PRUNE2: variants seen among roughly 807,000 people sequenced by gnomAD.
PRUNE2 encodes prune homolog 2 with BCH domain.
In PRUNE2, 164 loss-of-function variants were observed where a neutral mutation model predicts 252.0. The observed-to-expected ratio is 0.65, with a 90% CI of 0.57 to 0.74. The LOEUF (loss-of-function observed/expected upper bound fraction) is 0.74. Among genes scored for constraint, PRUNE2 ranks in the 30% least tolerant of loss-of-function variants. The pLI, the probability that PRUNE2 is intolerant of heterozygous loss-of-function variation, is 0.00. For synonymous variants in PRUNE2, 1,292 were observed against 1,350.2 expected (o/e 0.96, Z 0.94); for missense variants, 3,495 against 3,711.0 (o/e 0.94, Z 1.51).
intron 6 of PRUNE2, among the ~76,000 whole-genome samples, chr9:76,822,130 T>C (rs867984105): frequency 6.6e-6 from 1 of 152,178 alleles, no homozygotes; most frequent in Non-Finnish European, 1.5e-5. Flanking sequence ...CAAAGCAGAG[T>C]TCTAATTGAT....
chr9:76,762,146 G>A (rs561879272), intron 6 of PRUNE2, among the ~76,000 whole-genome samples: 43 of 152,306 alleles, frequency 2.8e-4, no homozygotes, highest in African/African-American at 1.0e-3. Flanking sequence ...AGGACCTTTA[G>A]CCAGTTTGGA....
intron 6 of PRUNE2, among the ~76,000 whole-genome samples, chr9:76,719,249 G>C (rs1268749947): frequency 3.3e-5 from 5 of 151,602 alleles, no homozygotes; most frequent in Non-Finnish European, 7.4e-5. Flanking sequence ...TTTTTAGCTA[G>C]GAGGAAAAGG....
chr9:76,778,235 C>T (rs1464908965), intron 6 of PRUNE2, among the ~76,000 whole-genome samples: 3 of 152,170 alleles, frequency 2.0e-5, no homozygotes, highest in Admixed American at 6.5e-5. Flanking sequence ...AAGAGCCAGG[C>T]GTTGATCTCA....
chr9:76,624,020 T>C (rs1279383633), intron 17 of PRUNE2, among the ~76,000 whole-genome samples: 1 of 152,250 alleles, frequency 6.6e-6, no homozygotes, highest in African/African-American at 2.4e-5. Context: ...AAGTAAGTTG[T>C]TGTTTTAATT....
At chr9:76,714,056 A>T (rs927199938) in intron 6 of PRUNE2, among the ~76,000 whole-genome samples, 9 of 152,154 alleles carry the variant, frequency 5.9e-5, no homozygotes, top group Admixed American at 2.6e-4. Context: ...CGCTTATAGG[A>T]TCTATATACG....
chr9:76,776,165 G>T (rs1455603467), intron 6 of PRUNE2, among the ~76,000 whole-genome samples: 1 of 152,048 alleles, frequency 6.6e-6, no homozygotes, highest in Non-Finnish European at 1.5e-5. Flanking sequence ...AATTTTAGGG[G>T]GTACAAGTGC....
intron 9 of PRUNE2, among the ~76,000 whole-genome samples, chr9:76,670,703 C>T (rs1429087503): frequency 2.0e-5 from 3 of 151,972 alleles, no homozygotes; most frequent in Admixed American, 2.0e-4. Flanking sequence ...AGCTGGAGAT[C>T]TGAGAACAGG....
rs370739154 is a variant in PRUNE2, at chr9:76,742,996, C to T, written c.757-29275G>A. Among the ~76,000 whole-genome samples the T allele has an allele frequency of 2.6e-5, 4 of 152,288 alleles. No individual in the cohort carries two copies. In the East Asian group the frequency reaches 7.7e-4, roughly 29 times the overall value. On this transcript the variant is annotated intron_variant, in intron 6 of 18. Coordinates refer to ENST00000376718, the MANE Select transcript of PRUNE2 (RefSeq NM_015225.3). ...ACCCAGTGGCAGTTTAATTGAATCA[C>T]GAGGTCGGTTACCTCCATGCTGTTC...
chr9:76,849,925 A>G (rs1053205994), intron 3 of PRUNE2, among the ~76,000 whole-genome samples: 3 of 152,226 alleles, frequency 2.0e-5, no homozygotes, highest in African/African-American at 4.8e-5. Context: ...GAAATGCAAA[A>G]GTAAAAATGA....
intron 1 of PRUNE2, among the ~76,000 whole-genome samples, chr9:76,888,506 G>C (rs562383950): frequency 6.6e-6 from 1 of 151,986 alleles, no homozygotes; most frequent in Admixed American, 6.6e-5. Flanking sequence ...GAACCCGAGA[G>C]GTGGAGGTTG....
intron 1 of PRUNE2, among the ~76,000 whole-genome samples, chr9:76,878,359 T>G (rs372183640): frequency 1.3e-5 from 2 of 152,326 alleles, no homozygotes; most frequent in East Asian, 3.9e-4. Context: ...CACAGTGCTG[T>G]TATGAAGAAG....
chr9:76,626,085 G>T (rs1834619628), intron 16 of PRUNE2, among the ~76,000 whole-genome samples: 1 of 152,138 alleles, frequency 6.6e-6, no homozygotes, highest in African/African-American at 2.4e-5. Flanking sequence ...ATAAAAAAAG[G>T]TTATATATTG....
chr9:76,637,292 TA>T, intron 14 of PRUNE2, 125 bp downstream of exon 14: 1 of 915,726 alleles, frequency 1.1e-6, no homozygotes, highest in Non-Finnish European at 1.7e-6. Flanking sequence ...TTAGACAATT[TA>T]TTTGATCTTA....
intron 6 of PRUNE2, among the ~76,000 whole-genome samples, chr9:76,781,651 T>C (rs2054408271): frequency 6.6e-6 from 1 of 152,250 alleles, no homozygotes; most frequent in African/African-American, 2.4e-5. Flanking sequence ...AATCTACATT[T>C]ATATGCATGA....
At chr9:76,646,452 C>T (rs895927570) in intron 11 of PRUNE2, among the ~76,000 whole-genome samples, 2 of 152,218 alleles carry the variant, frequency 1.3e-5, no homozygotes, top group African/African-American at 4.8e-5. Context: ...CTACCACCAC[C>T]TACAGAGCCT....
chr9:76,718,445 G>A (rs1353928814), intron 6 of PRUNE2, among the ~76,000 whole-genome samples: 1 of 97,168 alleles, frequency 1.0e-5, no homozygotes. Context: ...CTCCGAGGTT[G>A]CCAAATCCAA....
chr9:76,697,185 C>T lies in PRUNE2; in HGVS notation c.8276+6152G>A, dbSNP rs560873694. Reference sequence around the variant, plus strand: ...CACTAGTTGTGATGTTTCAAGTTTCCAGCCAGAGAAGCACCTTGGGTTTTT... The same window carrying T: ...CACTAGTTGTGATGTTTCAAGTTTCTAGCCAGAGAAGCACCTTGGGTTTTT... On this transcript the variant is annotated intron_variant, in intron 9 of 18. Transcript: ENST00000376718. Among the ~76,000 whole-genome samples the T allele has an allele frequency of 1.1e-4, 16 of 152,222 alleles. No individual in the cohort carries two copies. The South Asian group carries it at 3.1e-3, about 30-fold the overall frequency.
intron 1 of PRUNE2, among the ~76,000 whole-genome samples, chr9:76,893,250 A>G (rs1174350777): frequency 6.6e-6 from 1 of 152,248 alleles, no homozygotes; most frequent in African/African-American, 2.4e-5. Context: ...GGTTCTAAAA[A>G]CAAAACAAAC....
In PRUNE2 at chr9:76,646,849, GTTGTT is replaced by G. The variant is rs779093676; in HGVS notation, c.8558-1945_8558-1941del. On this transcript the variant is annotated intron_variant, in intron 11 of 18. Coordinates refer to ENST00000376718, the MANE Select transcript of PRUNE2 (RefSeq NM_015225.3). ...GTCATCTCTGTGGGGTGAACGTAGG[GTTGTT>G]TTGTTTTATTTTCTGCAAATTTTAT... 3.5e-4 allele frequency among the ~76,000 whole-genome samples: 53 copies of G among 151,980 alleles called. 1 individual carries two copies. The highest frequency in any genetic ancestry group is 1.3e-4 in the Non-Finnish European group (9 of 68,014).
Sources: allele counts gnomAD v4.1 joint callset (sites outside exome capture counted in the v4.1 genomes callset), GRCh38; gene constraint gnomAD v4.1.1; transcripts MANE v1.5; gene names NCBI Gene and HGNC (gene_info 2026-07-23, HGNC 2026-07-21).